The following GPHN variants were observed in gnomAD, a reference collection of about 807,000 sequenced individuals.
GPHN encodes gephyrin.
A neutral mutation model predicts 95.5 loss-of-function variants in GPHN; 17 were observed. That is an observed-to-expected ratio of 0.18 (90% confidence interval 0.12 to 0.27). GPHN has a LOEUF of 0.27. GPHN is among the 10% of genes least tolerant of loss of function. GPHN has a pLI of 1.00. For missense variants in GPHN, 660 were observed against 978.1 expected (o/e 0.67, Z 4.34); for synonymous variants, 320 against 322.5 (o/e 0.99, Z 0.08).
chr14:66,955,839 A>G (rs1478931278), intron 8 of GPHN, among the ~76,000 whole-genome samples: 6 of 152,204 alleles, frequency 3.9e-5, no homozygotes, highest in African/African-American at 1.4e-4. Context: ...TTTGCTGAGA[A>G]TGATGGTTTC....
At chr14:67,295,496 A>AT in the GPHN span, among the ~76,000 whole-genome samples, 1 of 151,942 alleles carries the variant, frequency 6.6e-6, no homozygotes, top group East Asian at 1.9e-4. Context: ...TCTCAAAAAA[A>AT]AAAAAACTCT....
intron 1 of GPHN, among the ~76,000 whole-genome samples, chr14:66,680,720 G>T (rs1270611331): frequency 6.6e-6 from 1 of 151,896 alleles, no homozygotes; most frequent in African/African-American, 2.4e-5. Context: ...TCCCTTGCTC[G>T]CCAATATTTT....
chr14:66,598,295 T>A (rs1027943908), intron 1 of GPHN, among the ~76,000 whole-genome samples: 8 of 152,168 alleles, frequency 5.3e-5, no homozygotes, highest in African/African-American at 1.7e-4. Context: ...GAAGAAATGA[T>A]AAGTATGTAA....
At chr14:66,854,153 C>G (rs368876123) in intron 4 of GPHN, among the ~76,000 whole-genome samples, 180 of 152,220 alleles carry the variant, frequency 1.2e-3, no homozygotes, top group African/African-American at 4.0e-3. Flanking sequence ...AATCAAAGAA[C>G]AAAATAACCT....
At chr14:67,379,654 C>CTTTTTTTTTTTTTTTTTTTTT in the GPHN span, among the ~76,000 whole-genome samples, 6 of 119,956 alleles carry the variant, frequency 5.0e-5, no homozygotes, top group Non-Finnish European at 8.1e-5. Flanking sequence ...TTTTCTTTTT[C>CTTTTTTTTTTTTTTTTTTTTT]TTTTTTTTTT....
chr14:67,145,535 A>G (rs1174538879), intron 18 of GPHN, among the ~76,000 whole-genome samples: 1 of 152,216 alleles, frequency 6.6e-6, no homozygotes. Flanking sequence ...TGGGCATCCC[A>G]CGGTATTCCT....
the GPHN span, among the ~76,000 whole-genome samples, chr14:67,396,748 G>A: frequency 6.6e-6 from 1 of 152,210 alleles, no homozygotes; most frequent in Admixed American, 6.5e-5. Context: ...CCTCTTCAGG[G>A]ATAAAGGGTT....
At chr14:67,142,165 G>A (rs1449592739) in intron 17 of GPHN, among the ~76,000 whole-genome samples, 1 of 152,106 alleles carries the variant, frequency 6.6e-6, no homozygotes, top group Non-Finnish European at 1.5e-5. Context: ...GAGTCAGGCG[G>A]TATAAATAGG....
chr14:66,748,426 C>T (rs1307199500), intron 2 of GPHN, among the ~76,000 whole-genome samples: 1 of 151,816 alleles, frequency 6.6e-6, no homozygotes, highest in African/African-American at 2.4e-5. Context: ...AGAGATTTTC[C>T]CATATACCCC....
At chr14:67,298,530 T>A in the GPHN span, among the ~76,000 whole-genome samples, 12 of 148,416 alleles carry the variant, frequency 8.1e-5, no homozygotes, top group East Asian at 2.0e-4. Context: ...AAAAAAAAAA[T>A]ACTATTATAA....
intron 5 of GPHN, among the ~76,000 whole-genome samples, chr14:66,887,685 A>G (rs1427640480): frequency 3.9e-5 from 6 of 152,222 alleles, no homozygotes; most frequent in Non-Finnish European, 8.8e-5. Flanking sequence ...TTTACCTGGT[A>G]TATCATGTTT....
At chr14:66,956,965 G>A (rs2068550414) in intron 8 of GPHN, among the ~76,000 whole-genome samples, 1 of 117,420 alleles carries the variant, frequency 8.5e-6, no homozygotes, top group East Asian at 2.8e-4. Context: ...GGACTGTTGT[G>A]GGGTGGGGGG....
the GPHN span, among the ~76,000 whole-genome samples, chr14:67,696,352 A>G: frequency 6.6e-6 from 1 of 152,284 alleles, no homozygotes; most frequent in African/African-American, 2.4e-5. Context: ...TGAAAGGCGG[A>G]TTAGACAGGA....
At chr14:67,241,520 G>C in the GPHN span, 1 of 153,378 alleles carries the variant, frequency 6.5e-6, no homozygotes, top group Admixed American at 6.5e-5. Context: ...GCTCCGCGGA[G>C]CCGAGGCGTG....
At chr14:67,393,348 GAC>G in the GPHN span, 3 of 785,274 alleles carry the variant, frequency 3.8e-6, no homozygotes, top group Non-Finnish European at 7.0e-6. Context: ...CAAATGGTGT[GAC>G]ACACATCACA....
the GPHN span, among the ~76,000 whole-genome samples, chr14:67,298,335 G>GA: frequency 2.8e-4 from 43 of 152,070 alleles, no homozygotes; most frequent in East Asian, 7.4e-3. Flanking sequence ...CCAACATGGT[G>GA]AAACCCTGTC....
the GPHN span, among the ~76,000 whole-genome samples, chr14:67,486,096 C>T: frequency 6.6e-6 from 1 of 152,218 alleles, no homozygotes; most frequent in Admixed American, 6.5e-5. Context: ...TGTGAGTGCT[C>T]GCTTCACTCA....
the GPHN span, among the ~76,000 whole-genome samples, chr14:67,632,859 C>T: frequency 6.9e-5 from 8 of 115,246 alleles, no homozygotes; most frequent in African/African-American, 2.1e-4. Flanking sequence ...CTCGCTCTAT[C>T]GCTCAGGCTG....
At chr14:66,769,955 A>G (rs1251438230) in intron 2 of GPHN, among the ~76,000 whole-genome samples, 1 of 152,146 alleles carries the variant, frequency 6.6e-6, no homozygotes, top group Non-Finnish European at 1.5e-5. Context: ...AACAGTGTAT[A>G]CATGTTCCTT....
Sources: gnomAD v4.1 joint callset for allele counts (sites outside exome capture counted in the v4.1 genomes callset) on GRCh38, gnomAD v4.1.1 for gene constraint, MANE v1.5 for transcripts, NCBI Gene and HGNC (gene_info 2026-07-23, HGNC 2026-07-21) for gene names.